RNF216: variants seen among roughly 807,000 people sequenced by gnomAD.
The protein encoded by RNF216 is E3 ubiquitin-protein ligase RNF216.
RNF216 carries 72 observed loss-of-function variants against 110.8 expected under a neutral mutation model. That is an observed-to-expected ratio of 0.65 (90% CI 0.54 to 0.79). RNF216 has a LOEUF of 0.79. Among genes scored for constraint, RNF216 ranks in the 30% least tolerant of loss-of-function variants. The pLI is 0.00. For synonymous variants in RNF216, 495 were observed against 407.5 expected, an observed-to-expected ratio of 1.21 and a Z score of -2.59; for missense variants, 1,342 against 1,141.2, an observed-to-expected ratio of 1.18 and a Z score of -2.54.
intron 12 of RNF216, among the ~76,000 whole-genome samples, chr7:5,712,192 G>A (rs1792746602): frequency 6.6e-6 from 1 of 152,330 alleles, no homozygotes; most frequent in African/African-American, 2.4e-5. Flanking sequence ...AGAAGTTTGA[G>A]CTACAGTCTG....
chr7:5,628,853 G>A (rs2128557872), intron 15 of RNF216, among the ~76,000 whole-genome samples: 1 of 152,274 alleles, frequency 6.6e-6, no homozygotes, highest in Admixed American at 6.5e-5. Flanking sequence ...TGGGGAGGAA[G>A]TTCCTTCCAC....
rs1786452312 is a variant in RNF216, at chr7:5,622,785, G to C, written c.*75C>G. On this transcript the variant is annotated 3_prime_UTR_variant, in exon 17 of 17. Coordinates refer to ENST00000389902, the MANE Select transcript of RNF216 (RefSeq NM_207111.4). ...TTAGGATGCAATGGTACAGACACCA[G>C]CCTTGGGGGAGGGTTCTCCATCCAC... 5.0e-6 allele frequency: 7 copies of C among 1,412,172 alleles called. No individual in the cohort carries two copies. In the South Asian group the frequency reaches 7.7e-5, roughly 16 times the overall value. 87.5% of individuals were successfully genotyped at this position (1,412,172 alleles called of 1,614,324 possible). A position where few individuals can be genotyped will look rare whatever the true frequency, so the allele number is the denominator to read the frequency against.
intron 13 of RNF216, among the ~76,000 whole-genome samples, chr7:5,674,137 C>A (rs1353219816): frequency 6.6e-6 from 1 of 151,856 alleles, no homozygotes; most frequent in Non-Finnish European, 1.5e-5. Flanking sequence ...TCAAACGATT[C>A]TCCTGCCTCA....
chr7:5,690,713 G>A (rs1408322346), intron 13 of RNF216, among the ~76,000 whole-genome samples: 2 of 152,172 alleles, frequency 1.3e-5, no homozygotes, highest in Non-Finnish European at 2.9e-5. Context: ...CAGGGCTAGT[G>A]AGAGGTAGAG....
At chr7:5,762,473 C>A (rs984514703) in intron 1 of RNF216, among the ~76,000 whole-genome samples, 1 of 151,196 alleles carries the variant, frequency 6.6e-6, no homozygotes, top group Non-Finnish European at 1.5e-5. Context: ...CTGGCCAACA[C>A]GGTGAAACCC....
intron 1 of RNF216, among the ~76,000 whole-genome samples, chr7:5,781,094 G>A (rs543451588): frequency 3.3e-5 from 5 of 152,312 alleles, no homozygotes; most frequent in East Asian, 1.9e-4. Flanking sequence ...GAGGGAAGAG[G>A]AGGAAAAACG....
At chr7:5,735,916 G>T (rs1284837581) in intron 5 of RNF216, among the ~76,000 whole-genome samples, 1 of 152,120 alleles carries the variant, frequency 6.6e-6, no homozygotes, top group Non-Finnish European at 1.5e-5. Flanking sequence ...CCAACATAGG[G>T]AAACTGTCTC....
intron 1 of RNF216, among the ~76,000 whole-genome samples, chr7:5,768,394 G>C (rs1026476172): frequency 4.0e-4 from 12 of 29,690 alleles, no homozygotes; most frequent in South Asian, 2.1e-3. Context: ...CACACACACA[G>C]CTTAAATTGA....
intron 15 of RNF216, among the ~76,000 whole-genome samples, chr7:5,632,068 T>C (rs531309588): frequency 6.6e-6 from 1 of 152,326 alleles, no homozygotes; most frequent in East Asian, 1.9e-4. Flanking sequence ...GTTCCAAGGA[T>C]GGCCGGCAGT....
rs546851356 is a variant in RNF216, at chr7:5,756,837, T to A, written c.68-3858A>T. On this transcript the variant is annotated intron_variant, in intron 2 of 16. Transcript: ENST00000389902. ...TTTTGCAGACATGAGAATCTCACCATGTCGCCCAGGCTGGCCTCGAAATCC... is the reference window on the plus strand; with the variant it reads ...TTTTGCAGACATGAGAATCTCACCAAGTCGCCCAGGCTGGCCTCGAAATCC... Among the ~76,000 whole-genome samples, 11 of 152,264 alleles carry A rather than the reference T, an allele frequency of 7.2e-5. No individual in the cohort carries two copies. The East Asian group carries it at 2.1e-3, about 29-fold the overall frequency.
intron 1 of RNF216, among the ~76,000 whole-genome samples, chr7:5,781,298 G>A (rs1047059211): frequency 5.3e-5 from 8 of 152,204 alleles, no homozygotes; most frequent in African/African-American, 1.7e-4. Context: ...GCGAGAGGGG[G>A]CCACCCGGCC....
At chr7:5,678,567 C>CA (rs1790452941) in intron 13 of RNF216, among the ~76,000 whole-genome samples, 2 of 152,202 alleles carry the variant, frequency 1.3e-5, no homozygotes, top group African/African-American at 4.8e-5. Context: ...AGGTGAGTGA[C>CA]CTCACCTCTC....
intron 13 of RNF216, among the ~76,000 whole-genome samples, chr7:5,661,479 G>A (rs181566999): frequency 6.6e-6 from 1 of 152,198 alleles, no homozygotes; most frequent in Non-Finnish European, 1.5e-5. Context: ...ACTCTACAGG[G>A]AAGTACTGGA....
chr7:5,710,191 C>T (rs1180206166), intron 13 of RNF216, among the ~76,000 whole-genome samples: 4 of 152,132 alleles, frequency 2.6e-5, no homozygotes, highest in Admixed American at 6.5e-5. Flanking sequence ...GAAACCTCAT[C>T]TCTACTAAAA....
intron 9 of RNF216, among the ~76,000 whole-genome samples, chr7:5,718,702 C>G (rs1268518338): frequency 6.6e-6 from 1 of 152,032 alleles, no homozygotes; most frequent in Admixed American, 6.6e-5. Context: ...AGGTGTGTGC[C>G]ACCATGCCCA....
chr7:5,735,518 A>G (rs1350741997), intron 5 of RNF216, among the ~76,000 whole-genome samples: 14 of 152,224 alleles, frequency 9.2e-5, no homozygotes, highest in Non-Finnish European at 1.8e-4. Flanking sequence ...CTAAAATTTC[A>G]TAACTGAAAA....
intron 2 of RNF216, among the ~76,000 whole-genome samples, chr7:5,758,581 T>C (rs573260481): frequency 2.6e-5 from 4 of 152,318 alleles, no homozygotes; most frequent in East Asian, 3.9e-4. Flanking sequence ...GTGCCATGAA[T>C]GTGAGATGTG....
At chr7:5,703,753 A>G (rs1441508097) in intron 13 of RNF216, among the ~76,000 whole-genome samples, 1 of 152,182 alleles carries the variant, frequency 6.6e-6, no homozygotes, top group African/African-American at 2.4e-5. Flanking sequence ...ACTCTGATTA[A>G]ACTCTCACCA....
At chr7:5,698,918 G>C (rs1259737840) in intron 13 of RNF216, among the ~76,000 whole-genome samples, 2 of 152,138 alleles carry the variant, frequency 1.3e-5, no homozygotes, top group African/African-American at 2.4e-5. Context: ...CCACAAAACA[G>C]GACATTCGAA....
Sources: gnomAD v4.1 joint callset for allele counts (sites outside exome capture counted in the v4.1 genomes callset) on GRCh38, gnomAD v4.1.1 for gene constraint, MANE v1.5 for transcripts, NCBI Gene and HGNC (gene_info 2026-07-23, HGNC 2026-07-21) for gene names.